Variants in BPI observed in about 807,000 individuals in gnomAD.
BPI encodes bactericidal permeability-increasing protein.
A neutral mutation model predicts 57.6 loss-of-function variants in BPI; 48 were observed. The ratio of observed to expected loss-of-function variants is 0.83; its 90% CI spans 0.66 to 1.06. The LOEUF (loss-of-function observed/expected upper bound fraction) is 1.06, where lower values mean the gene tolerates loss of function less well. Among genes scored for constraint, BPI ranks in the 50% least tolerant of loss-of-function variants. The pLI is 0.00. For synonymous variants in BPI, 237 were observed against 238.2 expected (o/e 0.99, Z 0.05); for missense variants, 651 against 609.7 (o/e 1.07, Z -0.71).
chr20:38,318,802 A>G (rs1600704782), intron 6 of BPI, among the ~76,000 whole-genome samples: 1 of 152,074 alleles, frequency 6.6e-6, no homozygotes, highest in African/African-American at 2.4e-5. Context: ...TTTGGATCTC[A>G]GTTTCCATGT....
chr20:38,311,969 AGAG>A, intron 5 of BPI, 32 bp downstream of exon 5: 1 of 1,606,588 alleles, frequency 6.2e-7, no homozygotes, highest in Non-Finnish European at 8.5e-7. Flanking sequence ...ATCAGCAAAC[AGAG>A]GAGAAGGGCC....
chr20:38,310,789 G>A (rs2076618317), intron 4 of BPI, 137 bp downstream of exon 4: 1 of 1,099,806 alleles, frequency 9.1e-7, no homozygotes, highest in Non-Finnish European at 1.3e-6. Context: ...ATGGTATGGG[G>A]GCCAGGGGCC....
intron 1 of BPI, among the ~76,000 whole-genome samples, chr20:38,306,295 A>G (rs928282076): frequency 3.3e-5 from 5 of 152,234 alleles, no homozygotes; most frequent in Admixed American, 2.6e-4. Flanking sequence ...TTGGCTTTCC[A>G]AAGTGCTGGG....
At chr20:38,324,384 G>A (rs2076701833) in intron 8 of BPI, among the ~76,000 whole-genome samples, 3 of 152,226 alleles carry the variant, frequency 2.0e-5, no homozygotes, top group Admixed American at 2.0e-4. Context: ...AATGTAGGAA[G>A]TGATGAATAA....
At chr20:38,320,661 T>TACAAAC (rs1555839119) in intron 7 of BPI, among the ~76,000 whole-genome samples, 1 of 130,818 alleles carries the variant, frequency 7.6e-6, no homozygotes, top group Non-Finnish European at 1.6e-5. Flanking sequence ...TTATTACCAA[T>TACAAAC]ACACACACAC....
chr20:38,325,992 C>T (rs2076710988), intron 9 of BPI, among the ~76,000 whole-genome samples: 1 of 151,952 alleles, frequency 6.6e-6, no homozygotes, highest in South Asian at 2.1e-4. Flanking sequence ...CAATGGGGAA[C>T]AGAGAGTGCA....
intron 7 of BPI, among the ~76,000 whole-genome samples, chr20:38,323,526 G>A (rs1426200343): frequency 6.6e-6 from 1 of 152,206 alleles, no homozygotes; most frequent in Non-Finnish European, 1.5e-5. Context: ...TTGAGACAAT[G>A]GAGTGGTTAG....
At chr20:38,332,849 G>A (rs1426593943) in intron 12 of BPI, among the ~76,000 whole-genome samples, 1 of 152,164 alleles carries the variant, frequency 6.6e-6, no homozygotes, top group Non-Finnish European at 1.5e-5. Flanking sequence ...AGTCGCCCAT[G>A]CTGTTCAACA....
chr20:38,330,783 G>A (rs1056880339), intron 11 of BPI, among the ~76,000 whole-genome samples: 1 of 152,230 alleles, frequency 6.6e-6, no homozygotes, highest in African/African-American at 2.4e-5. Context: ...CATCCTTGCA[G>A]CAATGACTGT....
At chr20:38,308,118 G>A (rs1305283611) in intron 2 of BPI, among the ~76,000 whole-genome samples, 1 of 152,110 alleles carries the variant, frequency 6.6e-6, no homozygotes, top group African/African-American at 2.4e-5. Flanking sequence ...CGCAGGCAGT[G>A]TGTCCCCTCC....
intron 5 of BPI, among the ~76,000 whole-genome samples, chr20:38,315,143 T>C (rs914460928): frequency 6.6e-6 from 1 of 152,102 alleles, no homozygotes; most frequent in South Asian, 2.1e-4. Flanking sequence ...TAATCCCCTG[T>C]GAGAGAGATT....
intron 2 of BPI, among the ~76,000 whole-genome samples, chr20:38,307,961 G>A (rs537949109): frequency 1.3e-5 from 2 of 152,308 alleles, no homozygotes; most frequent in East Asian, 1.9e-4. Context: ...TTCTAAAATG[G>A]CTTAAGGCAG....
intron 5 of BPI, among the ~76,000 whole-genome samples, chr20:38,314,612 G>A (rs1379738965): frequency 2.7e-5 from 4 of 148,324 alleles, no homozygotes; most frequent in Non-Finnish European, 6.0e-5. Flanking sequence ...TAATGGTGAT[G>A]GTGATGGTGG....
In BPI at chr20:38,324,021, T is replaced by G; in HGVS notation, c.908T>G (p.Leu303Trp). Residue 303 changes from leucine (L) to tryptophan (W), a missense_variant, in exon 8 of 15, where the codon TTG (leucine) becomes TGG (tryptophan). Physicochemically the swap from Leu to Trp is moderately conservative, Grantham distance 61. Transcript: ENST00000642449. ...AGLVYQEAGV[L>W]KMTLRDDMIP... ...CTTGTATACCAAGAGGCTGGGGTCTTGAAGATGACCCTTAGAGATGACATG... is the reference window on the plus strand; with the variant it reads ...CTTGTATACCAAGAGGCTGGGGTCTGGAAGATGACCCTTAGAGATGACATG... 1 of 1,614,050 alleles carries G rather than the reference T, an allele frequency of 6.2e-7. No individual in the cohort carries two copies. Among genetic ancestry groups the G allele is most frequent in the Non-Finnish European group, 8.5e-7 (1 of 1,180,022 alleles).
chr20:38,324,756 T>C lies in BPI; in HGVS notation c.934-18T>C, dbSNP rs1454703086. Reference sequence around the variant, plus strand: ...GTAACAGCATCCTCCGAGATCCTTTTCTCATCTCTTGCTACAGATTCCAAA... The same window carrying C: ...GTAACAGCATCCTCCGAGATCCTTTCCTCATCTCTTGCTACAGATTCCAAA... On this transcript the variant is annotated intron_variant, in intron 8 of 14. Transcript: ENST00000642449. 1.9e-6 allele frequency: 3 copies of C among 1,602,502 alleles called. No homozygotes were observed. The African/African-American group carries it at 4.0e-5, about 21-fold the overall frequency.
intron 7 of BPI, among the ~76,000 whole-genome samples, chr20:38,321,282 G>C (rs1311798823): frequency 6.6e-6 from 1 of 150,428 alleles, no homozygotes; most frequent in Non-Finnish European, 1.5e-5. Context: ...TGGATGTATT[G>C]GTGGGTGGAT....
chr20:38,337,224 C>T lies in BPI; in HGVS notation c.*40C>T. ...CCGGGGGCTGTCAGCCACACCTGTT[C>T]CTGATGGGCTGTGGGGCACCGGCTG... On this transcript the variant is annotated 3_prime_UTR_variant, in exon 15 of 15. Transcript: ENST00000642449. The T allele has an allele frequency of 6.5e-7, 1 of 1,543,092 alleles. No individual in the cohort carries two copies. Among genetic ancestry groups the T allele is most frequent in the Non-Finnish European group, 8.8e-7 (1 of 1,141,008 alleles).
At chr20:38,323,656 T>G (rs2076697560) in intron 7 of BPI, among the ~76,000 whole-genome samples, 1 of 152,212 alleles carries the variant, frequency 6.6e-6, no homozygotes, top group Non-Finnish European at 1.5e-5. Flanking sequence ...TCCTATAAGA[T>G]GAGCATAATT....
intron 5 of BPI, among the ~76,000 whole-genome samples, chr20:38,313,673 A>G (rs2122506986): frequency 6.6e-6 from 1 of 152,342 alleles, no homozygotes; most frequent in Middle Eastern, 3.4e-3. Flanking sequence ...GTTGATGATG[A>G]TGATAATGGT....
Sources: allele counts gnomAD v4.1 joint callset (sites outside exome capture counted in the v4.1 genomes callset), GRCh38; gene constraint gnomAD v4.1.1; transcripts MANE v1.5; gene names NCBI Gene and HGNC (gene_info 2026-07-23, HGNC 2026-07-21).